The following PKIG variants were observed in gnomAD, a reference collection of about 807,000 sequenced individuals.
The protein encoded by PKIG is cAMP-dependent protein kinase inhibitor gamma.
A neutral mutation model predicts 6.8 loss-of-function variants in PKIG; 1 was observed. The ratio of observed to expected loss-of-function variants is 0.15; its 90% confidence interval spans 0.05 to 0.69. The LOEUF is 0.69. PKIG is among the 30% of genes least tolerant of loss of function. The pLI is 0.82. For missense variants in PKIG, 77 were observed against 104.0 expected (o/e 0.74, Z 1.13); for synonymous variants, 39 against 43.0 (o/e 0.91, Z 0.36).
At chr20:44,566,262 T>C (rs2064809725) in intron 1 of PKIG, among the ~76,000 whole-genome samples, 1 of 152,214 alleles carries the variant, frequency 6.6e-6, no homozygotes, top group Admixed American at 6.5e-5. Context: ...TGCACTATAG[T>C]GGCAGAGTTG....
At chr20:44,598,429 C>A (rs2065092649) in intron 2 of PKIG, among the ~76,000 whole-genome samples, 1 of 152,326 alleles carries the variant, frequency 6.6e-6, no homozygotes. Flanking sequence ...TGTTTCAGAA[C>A]CACCACAGAG....
chr20:44,540,917 G>A (rs2064555991), intron 1 of PKIG, among the ~76,000 whole-genome samples: 4 of 152,162 alleles, frequency 2.6e-5, no homozygotes, highest in African/African-American at 9.7e-5. Flanking sequence ...TATACTTGAG[G>A]TAGAGTAAAT....
At chr20:44,573,240 TTATTAG>T (rs1488391654) in intron 1 of PKIG, among the ~76,000 whole-genome samples, 3 of 152,380 alleles carry the variant, frequency 2.0e-5, no homozygotes, top group African/African-American at 7.2e-5. Context: ...AGTCCATAGT[TTATTAG>T]TATATTTCCT....
intron 2 of PKIG, among the ~76,000 whole-genome samples, chr20:44,601,454 C>T (rs1223839809): frequency 2.6e-5 from 4 of 152,376 alleles, no homozygotes; most frequent in Non-Finnish European, 5.9e-5. Context: ...TGGATAGAAC[C>T]GGCAGCCCTC....
intron 1 of PKIG, among the ~76,000 whole-genome samples, chr20:44,549,969 C>T (rs868501990): frequency 6.6e-6 from 1 of 151,948 alleles, no homozygotes; most frequent in East Asian, 1.9e-4. Context: ...ACTCTTTGAT[C>T]TTCCTTGTTA....
intron 1 of PKIG, among the ~76,000 whole-genome samples, chr20:44,584,262 G>T (rs1043394461): frequency 2.0e-5 from 3 of 152,052 alleles, no homozygotes; most frequent in Non-Finnish European, 4.4e-5. Flanking sequence ...CCTTCTCTGC[G>T]TGTCTGTCTA....
At chr20:44,611,253 G>A (rs974746916) in intron 2 of PKIG, among the ~76,000 whole-genome samples, 2 of 152,072 alleles carry the variant, frequency 1.3e-5, no homozygotes, top group East Asian at 1.9e-4. Context: ...GACGTTTCAC[G>A]ATGTTGGCCA....
chr20:44,579,851 C>A (rs550861616), upstream of PKIG, among the ~76,000 whole-genome samples: 21 of 152,302 alleles, frequency 1.4e-4, 1 homozygote, highest in South Asian at 1.9e-3. Flanking sequence ...TGATTCAAAG[C>A]ACCCATCTTC....
intron 3 of PKIG, among the ~76,000 whole-genome samples, chr20:44,615,261 C>T (rs2065254166): frequency 6.6e-6 from 1 of 152,234 alleles, no homozygotes; most frequent in Admixed American, 6.5e-5. Context: ...TCCCTGACAC[C>T]CTCCAGCTAC....
intron 1 of PKIG, among the ~76,000 whole-genome samples, chr20:44,588,639 C>CA (rs397865916): frequency 0.019 from 2,305 of 121,186 alleles, 33 homozygotes; most frequent in East Asian, 0.077. Context: ...GTGAGACTTT[C>CA]AAAAAAAAAA....
chr20:44,545,502 A>C (rs2064605297), intron 1 of PKIG, among the ~76,000 whole-genome samples: 1 of 151,756 alleles, frequency 6.6e-6, no homozygotes, highest in African/African-American at 2.4e-5. Flanking sequence ...GAGACCTCTG[A>C]AAAGATTGAA....
At chr20:44,560,637 T>C (rs244123) in intron 1 of PKIG, among the ~76,000 whole-genome samples, 36,570 of 152,124 alleles carry the variant, frequency 0.24, 5,908 homozygotes, top group African/African-American at 0.46. Context: ...AACCACTTTT[T>C]TAGTTTGAAT....
chr20:44,608,285 ATG>A (rs982224951), intron 2 of PKIG, among the ~76,000 whole-genome samples: 3 of 152,238 alleles, frequency 2.0e-5, no homozygotes, highest in African/African-American at 7.2e-5. Context: ...ATATTAATGT[ATG>A]TAATTATATC....
At chr20:44,587,428 G>A (rs1448906002) in intron 1 of PKIG, among the ~76,000 whole-genome samples, 3 of 152,092 alleles carry the variant, frequency 2.0e-5, no homozygotes, top group Admixed American at 6.5e-5. Context: ...CCTATCCCCC[G>A]TGGCTTCAGA....
chr20:44,608,426 A>T (rs920406947), intron 2 of PKIG, among the ~76,000 whole-genome samples: 1 of 152,254 alleles, frequency 6.6e-6, no homozygotes, highest in Non-Finnish European at 1.5e-5. Context: ...TGTATATATT[A>T]ATAATTCTCC....
At chr20:44,540,197 G>T (rs2064548631) in intron 1 of PKIG, among the ~76,000 whole-genome samples, 1 of 152,130 alleles carries the variant, frequency 6.6e-6, no homozygotes, top group Admixed American at 6.6e-5. Flanking sequence ...CTGACCTCCA[G>T]TGATCAACCT....
At chr20:44,596,249 G>A (rs1418716544) in intron 2 of PKIG, among the ~76,000 whole-genome samples, 2 of 152,194 alleles carry the variant, frequency 1.3e-5, no homozygotes, top group African/African-American at 2.4e-5. Flanking sequence ...AATGAATTTC[G>A]ACTGAGTCAT....
At chr20:44,553,257 T>TG in intron 1 of PKIG, among the ~76,000 whole-genome samples, 1 of 152,286 alleles carries the variant, frequency 6.6e-6, no homozygotes, top group Middle Eastern at 3.4e-3. Context: ...CTAAAGTTTA[T>TG]GCTGCCTCGG....
At chr20:44,610,179 C>T (rs754708552) in intron 2 of PKIG, among the ~76,000 whole-genome samples, 1 of 152,110 alleles carries the variant, frequency 6.6e-6, no homozygotes, top group South Asian at 2.1e-4. Flanking sequence ...CTGCTGTAGC[C>T]GGGGGGAATT....
Sources: gnomAD v4.1 joint callset for allele counts (sites outside exome capture counted in the v4.1 genomes callset) on GRCh38, gnomAD v4.1.1 for gene constraint, MANE v1.5 for transcripts, NCBI Gene and HGNC (gene_info 2026-07-23, HGNC 2026-07-21) for gene names.